OSBP2: variants seen among roughly 807,000 people sequenced by gnomAD.
OSBP2 encodes oxysterol binding protein 2, also known as oxysterol-binding protein 2.
Under a neutral mutation model 96.0 loss-of-function variants are expected in OSBP2, and 66 were observed. That is an observed-to-expected ratio of 0.69 (90% confidence interval 0.56 to 0.84). The LOEUF (loss-of-function observed/expected upper bound fraction) is 0.84. Ranked by LOEUF, OSBP2 falls within the 40% of genes least tolerant of loss-of-function variation. The pLI is 0.00. For missense variants in OSBP2, 1,038 were observed against 1,222.7 expected (o/e 0.85, Z 2.25); for synonymous variants, 525 against 520.9 (o/e 1.01, Z -0.11).
At chr22:30,842,149 G>C (rs1021776936) in intron 2 of OSBP2, among the ~76,000 whole-genome samples, 3 of 152,120 alleles carry the variant, frequency 2.0e-5, no homozygotes, top group African/African-American at 7.2e-5. Flanking sequence ...GTTTTATCGT[G>C]TCACCCAGGC....
intron 2 of OSBP2, among the ~76,000 whole-genome samples, chr22:30,746,036 G>A (rs2145747261): frequency 6.6e-6 from 1 of 152,256 alleles, no homozygotes; most frequent in African/African-American, 2.4e-5. Flanking sequence ...CTACAATGAA[G>A]AGGTCATTGA....
At position 30,721,691 on chromosome 22, in the gene OSBP2, A is replaced by C. The variant is rs536154513; in HGVS notation, c.645-19470A>C. Among the ~76,000 whole-genome samples the C allele has an allele frequency of 1.8e-4, 28 of 152,304 alleles. No individual in the cohort carries two copies. The South Asian group carries it at 5.6e-3, about 30-fold the overall frequency. ...TAATACTGGAGGCCATGAAGGGAAG[A>C]AGCAAAATTCCTGAATAAATTGTAT... On this transcript the variant is annotated intron_variant, in intron 1 of 13. Coordinates refer to ENST00000332585, the MANE Select transcript of OSBP2 (RefSeq NM_030758.4).
chr22:30,695,122 G>A lies in OSBP2; in HGVS notation c.213G>A (p.Glu71=), dbSNP rs774830470. The stretch of plus-strand genomic sequence containing the variant: ...GACCGCTGTCAGAACAGGTGTCGGA[G>A]GCAGTTTCGGAGGCAGTGCCAAGAT... The part of the protein sequence containing the change: ...ERGPLSEQVS[E]AVSEAVPRSE... Residue 71 remains glutamate, a synonymous_variant, in exon 1 of 14, where the codon GAG becomes GAA. Transcript: ENST00000332585. The A allele has an allele frequency of 3.1e-6, 5 of 1,596,652 alleles. No homozygotes were observed. Among genetic ancestry groups the A allele is most frequent in the Admixed American group, 3.4e-5 (2 of 58,632 alleles).
At chr22:30,722,863 C>T (rs1353507131) in intron 1 of OSBP2, among the ~76,000 whole-genome samples, 2 of 148,274 alleles carry the variant, frequency 1.3e-5, no homozygotes, top group East Asian at 2.0e-4. Context: ...CAGTTCACTG[C>T]GGCTTTTACC....
Position 30,695,178 on chromosome 22 carries a change from C to T in OSBP2, c.269C>T (p.Pro90Leu). ...SEPVSETTSE[P>L]EPGAGQPSEL... is the part of the protein sequence containing the mutation. ...CCTGTGTCCGAGACGACGTCTGAGC[C>T]GGAGCCAGGGGCTGGGCAGCCATCG... is the stretch of plus-strand genomic sequence containing the variant. The change falls in exon 1 of 14, where the codon CCG (proline) becomes CTG (leucine). Residue 90 changes from proline (P) to leucine (L), a missense_variant. Pro to Leu is a moderately conservative substitution (Grantham distance 98). Transcript: ENST00000332585. The T allele has an allele frequency of 2.5e-6, 4 of 1,612,068 alleles. No homozygotes were observed. Among genetic ancestry groups the T allele is most frequent in the Non-Finnish European group, 3.4e-6 (4 of 1,178,870 alleles).
upstream of OSBP2, chr22:30,694,000 C>T: frequency 4.3e-6 from 6 of 1,405,848 alleles, no homozygotes; most frequent in African/African-American, 3.0e-5. Context: ...AAAAAAAATT[C>T]GCTGATGTTT....
At chr22:30,901,054 A>T (rs890257591) in intron 12 of OSBP2, among the ~76,000 whole-genome samples, 1 of 152,194 alleles carries the variant, frequency 6.6e-6, no homozygotes, top group Admixed American at 6.5e-5. Context: ...AAAAATAAAA[A>T]TTTTTAAAAG....
Position 30,712,119 on chromosome 22 carries a change from C to T in OSBP2, c.644+16566C>T, listed in dbSNP as rs568632974. ...GAGCAACTCTTTGAGAAAGACAGAG[C>T]GTGTCAGACTGTTTCAGACCCTGTT... On this transcript the variant is annotated intron_variant, in intron 1 of 13. Coordinates refer to ENST00000332585, the MANE Select transcript of OSBP2 (RefSeq NM_030758.4). Among the ~76,000 whole-genome samples the T allele has an allele frequency of 6.6e-5, 10 of 152,268 alleles. No individual in the cohort carries two copies. The South Asian group carries it at 1.2e-3, about 19-fold the overall frequency.
At chr22:30,882,488 C>T (rs898005518) in intron 3 of OSBP2, among the ~76,000 whole-genome samples, 32 of 149,092 alleles carry the variant, frequency 2.1e-4, no homozygotes, top group Non-Finnish European at 4.6e-4. Flanking sequence ...TTCATTTCCT[C>T]CTCGGTCATG....
At chr22:30,803,442 G>T (rs1244981347) in intron 2 of OSBP2, among the ~76,000 whole-genome samples, 4 of 152,198 alleles carry the variant, frequency 2.6e-5, no homozygotes, top group African/African-American at 9.7e-5. Context: ...TCCACCTTGG[G>T]TGCAGCCCAC....
At chr22:30,855,784 A>C (rs2039066697) in intron 2 of OSBP2, among the ~76,000 whole-genome samples, 1 of 152,146 alleles carries the variant, frequency 6.6e-6, no homozygotes, top group African/African-American at 2.4e-5. Flanking sequence ...TTATTGAGTT[A>C]ATCTGAAATA....
intron 1 of OSBP2, among the ~76,000 whole-genome samples, chr22:30,714,807 G>A (rs1001603760): frequency 6.6e-6 from 1 of 152,090 alleles, no homozygotes; most frequent in Non-Finnish European, 1.5e-5. Context: ...GTAGAGATGG[G>A]GTTTCACCAT....
chr22:30,829,575 C>T (rs1382565559), intron 2 of OSBP2, among the ~76,000 whole-genome samples: 1 of 152,336 alleles, frequency 6.6e-6, no homozygotes, highest in African/African-American at 2.4e-5. Flanking sequence ...GAACCAAATC[C>T]TCCCAAAGTG....
chr22:30,869,541 G>T (rs752054989), intron 2 of OSBP2, among the ~76,000 whole-genome samples: 39 of 152,138 alleles, frequency 2.6e-4, no homozygotes, highest in Non-Finnish European at 4.7e-4. Flanking sequence ...TTTTTGTTTT[G>T]TTTTGTTTTT....
intron 12 of OSBP2, among the ~76,000 whole-genome samples, chr22:30,898,682 C>T (rs2040118993): frequency 6.6e-6 from 1 of 152,068 alleles, no homozygotes; most frequent in Admixed American, 6.5e-5. Flanking sequence ...CCCCATGGTC[C>T]AATCACCTCC....
chr22:30,733,210 G>A (rs772165474), intron 1 of OSBP2, among the ~76,000 whole-genome samples: 18 of 152,174 alleles, frequency 1.2e-4, no homozygotes, highest in Non-Finnish European at 2.5e-4. Flanking sequence ...GTGGAGCCGC[G>A]AGATGAGCCT....
chr22:30,811,847 G>A lies in OSBP2; in HGVS notation c.854-58582G>A, dbSNP rs1028770440. Reference sequence around the variant, plus strand: ...TGGGATTACAGACATAAGCCACCGCGCCCGGCCTATTTTTTTTTTTATTTT... The same window carrying A: ...TGGGATTACAGACATAAGCCACCGCACCCGGCCTATTTTTTTTTTTATTTT... On this transcript the variant is annotated intron_variant, in intron 2 of 13. Transcript: ENST00000332585. Among the ~76,000 whole-genome samples, 9 of 148,364 alleles carry A rather than the reference G, an allele frequency of 6.1e-5. 1 individual carries two copies. The highest frequency in any genetic ancestry group is 7.5e-5 in the African/African-American group (3 of 40,236).
intron 2 of OSBP2, among the ~76,000 whole-genome samples, chr22:30,742,094 A>G (rs1472368361): frequency 6.6e-6 from 1 of 150,638 alleles, no homozygotes. Flanking sequence ...TACTGGGATT[A>G]CAGGCATGAG....
chr22:30,726,532 G>A (rs571176119), intron 1 of OSBP2, among the ~76,000 whole-genome samples: 83 of 152,136 alleles, frequency 5.5e-4, no homozygotes, highest in Non-Finnish European at 9.6e-4. Flanking sequence ...TAATGCATGT[G>A]GGGCTTAAGA....
Sources: allele counts gnomAD v4.1 joint callset (sites outside exome capture counted in the v4.1 genomes callset), GRCh38; gene constraint gnomAD v4.1.1; transcripts MANE v1.5; gene names NCBI Gene and HGNC (gene_info 2026-07-23, HGNC 2026-07-21).